The following SH2D4B variants were observed in gnomAD, a reference collection of about 807,000 sequenced individuals.
The protein encoded by SH2D4B is SH2 domain containing 4B, also known as SH2 domain-containing protein 4B.
A neutral mutation model predicts 61.5 loss-of-function variants in SH2D4B; 45 were observed. That is an observed-to-expected ratio of 0.73 (90% CI 0.58 to 0.94). The LOEUF (loss-of-function observed/expected upper bound fraction) is 0.94. Ranked by LOEUF, SH2D4B falls within the 40% of genes least tolerant of loss-of-function variation. The pLI is 0.00. For synonymous variants in SH2D4B, 224 were observed against 220.4 expected (o/e 1.02, Z -0.14); for missense variants, 572 against 574.2 (o/e 1.00, Z 0.04).
intron 1 of SH2D4B, among the ~76,000 whole-genome samples, chr10:80,566,658 G>T (rs927813813): frequency 1.3e-5 from 2 of 152,238 alleles, no homozygotes; most frequent in African/African-American, 4.8e-5. Context: ...AAAGAGGGGG[G>T]ATCTCTGCTG....
chr10:80,619,981 A>G (rs1257200442), intron 6 of SH2D4B, among the ~76,000 whole-genome samples: 1 of 152,180 alleles, frequency 6.6e-6, no homozygotes, highest in Non-Finnish European at 1.5e-5. Flanking sequence ...CAGCCTTAAA[A>G]TTGGTTAGGA....
chr10:80,625,806 T>C (rs2132155757), intron 6 of SH2D4B, among the ~76,000 whole-genome samples: 1 of 152,208 alleles, frequency 6.6e-6, no homozygotes, highest in Admixed American at 6.5e-5. Flanking sequence ...TCTCCTGACC[T>C]CAAGTGATCT....
intron 7 of SH2D4B, among the ~76,000 whole-genome samples, chr10:80,642,154 C>T (rs1484735659): frequency 1.3e-5 from 2 of 152,192 alleles, no homozygotes; most frequent in East Asian, 1.9e-4. Flanking sequence ...TGCAGTGGTG[C>T]GATCATAGCT....
At chr10:80,618,586 C>G (rs1048629247) in intron 6 of SH2D4B, among the ~76,000 whole-genome samples, 1 of 152,250 alleles carries the variant, frequency 6.6e-6, no homozygotes, top group East Asian at 1.9e-4. Flanking sequence ...ATTCCAGCCT[C>G]CTTAATGATA....
chr10:80,576,812 G>A (rs909239360), intron 3 of SH2D4B, among the ~76,000 whole-genome samples: 1 of 152,312 alleles, frequency 6.6e-6, no homozygotes, highest in South Asian at 2.1e-4. Flanking sequence ...CTGTTGCCCA[G>A]GCTGGAGTGC....
intron 1 of SH2D4B, among the ~76,000 whole-genome samples, chr10:80,569,847 G>A (rs540892804): frequency 2.2e-4 from 33 of 152,332 alleles, no homozygotes; most frequent in Middle Eastern, 6.8e-3. Context: ...GAGGTTAGGA[G>A]TAAGTTGGAG....
At chr10:80,623,318 C>T (rs1411159108) in intron 6 of SH2D4B, among the ~76,000 whole-genome samples, 1 of 152,232 alleles carries the variant, frequency 6.6e-6, no homozygotes, top group Non-Finnish European at 1.5e-5. Flanking sequence ...TGTGAGGGCT[C>T]AGTCCTCGCT....
chr10:80,545,341 C>G (rs1045221843), intron 1 of SH2D4B, among the ~76,000 whole-genome samples: 1 of 151,928 alleles, frequency 6.6e-6, no homozygotes, highest in Non-Finnish European at 1.5e-5. Context: ...CTCCTTCTCT[C>G]TCTTCCTCTT....
chr10:80,631,236 G>A (rs991873515), intron 6 of SH2D4B, among the ~76,000 whole-genome samples: 4 of 152,166 alleles, frequency 2.6e-5, no homozygotes, highest in Non-Finnish European at 4.4e-5. Flanking sequence ...GGAATCAATG[G>A]AAGTGTTTGT....
intron 1 of SH2D4B, among the ~76,000 whole-genome samples, chr10:80,558,086 A>T (rs867325028): frequency 3.8e-4 from 58 of 151,776 alleles, no homozygotes; most frequent in East Asian, 2.5e-3. Context: ...TTTTTTTTTT[A>T]AAATTCATGG....
At chr10:80,634,860 C>G (rs147820959) in intron 7 of SH2D4B, among the ~76,000 whole-genome samples, 18 of 152,318 alleles carry the variant, frequency 1.2e-4, no homozygotes, top group African/African-American at 4.1e-4. Flanking sequence ...AAGAACGTCT[C>G]TCATGAGGAC....
intron 7 of SH2D4B, among the ~76,000 whole-genome samples, chr10:80,643,614 A>C (rs1840343660): frequency 6.6e-6 from 1 of 151,958 alleles, no homozygotes; most frequent in South Asian, 2.1e-4. Context: ...GGGGCTTCCA[A>C]GGAACCGTGT....
chr10:80,574,500 T>A (rs1842100677), intron 3 of SH2D4B, among the ~76,000 whole-genome samples: 2 of 152,192 alleles, frequency 1.3e-5, no homozygotes, highest in Admixed American at 6.5e-5. Context: ...AATAAGATTG[T>A]ACCCATTATT....
intron 6 of SH2D4B, among the ~76,000 whole-genome samples, chr10:80,612,198 T>TTTTTTTTA (rs59848195): frequency 8.0e-6 from 1 of 125,228 alleles, no homozygotes; most frequent in African/African-American, 3.2e-5. Context: ...TTTTTTTTTT[T>TTTTTTTTA]CAACTTTACT....
At chr10:80,571,826 G>A (rs1842050247) in intron 3 of SH2D4B, among the ~76,000 whole-genome samples, 1 of 146,996 alleles carries the variant, frequency 6.8e-6, no homozygotes, top group African/African-American at 2.5e-5. Context: ...AGGCTGGAGT[G>A]CAGTGGCGCA....
At chr10:80,643,432 T>C (rs1840341343) in intron 7 of SH2D4B, among the ~76,000 whole-genome samples, 1 of 152,166 alleles carries the variant, frequency 6.6e-6, no homozygotes, top group Admixed American at 6.5e-5. Flanking sequence ...TTTGCTTAAA[T>C]GCCTATAAAT....
At chr10:80,625,175 G>A (rs1735869994) in intron 6 of SH2D4B, among the ~76,000 whole-genome samples, 3 of 149,944 alleles carry the variant, frequency 2.0e-5, no homozygotes, top group African/African-American at 4.9e-5. Flanking sequence ...CATTGAGAAC[G>A]TTTTTTTTTC....
chr10:80,545,779 A>C (rs529264063), intron 1 of SH2D4B, among the ~76,000 whole-genome samples: 1 of 152,278 alleles, frequency 6.6e-6, no homozygotes, highest in African/African-American at 2.4e-5. Context: ...CAGATGCTAA[A>C]GGATTGCTTT....
chr10:80,542,750 T>C (rs1841598873), intron 1 of SH2D4B, among the ~76,000 whole-genome samples: 1 of 152,148 alleles, frequency 6.6e-6, no homozygotes, highest in African/African-American at 2.4e-5. Flanking sequence ...GGTTCCTCTG[T>C]GACCGCCTCT....
Sources: allele counts gnomAD v4.1 joint callset (sites outside exome capture counted in the v4.1 genomes callset), GRCh38; gene constraint gnomAD v4.1.1; transcripts MANE v1.5; gene names NCBI Gene and HGNC (gene_info 2026-07-23, HGNC 2026-07-21).